The following SLC24A2 variants were observed in gnomAD, a reference collection of about 807,000 sequenced individuals.
The protein encoded by SLC24A2 is solute carrier family 24 member 2, also known as sodium/potassium/calcium exchanger 2.
Under a neutral mutation model 62.0 loss-of-function variants are expected in SLC24A2, and 36 were observed. The observed-to-expected ratio is 0.58, with a 90% confidence interval of 0.44 to 0.77. The LOEUF is 0.77. Ranked by LOEUF, SLC24A2 falls within the 30% of genes least tolerant of loss-of-function variation. The probability of loss-of-function intolerance (pLI) is 0.00; values close to 1 mark genes in which losing one functional copy is unlikely to be tolerated. For synonymous variants in SLC24A2, 358 were observed against 294.0 expected, an observed-to-expected ratio of 1.22 and a Z score of -2.23; for missense variants, 846 against 817.9, an observed-to-expected ratio of 1.03 and a Z score of -0.42.
chr9:20,066,448 T>A, the SLC24A2 span, among the ~76,000 whole-genome samples: 1 of 152,194 alleles, frequency 6.6e-6, no homozygotes, highest in Admixed American at 6.5e-5. Context: ...AGAAGTTGGC[T>A]TAATGCACAT....
At chr9:19,768,961 T>C (rs1474355755) in intron 2 of SLC24A2, among the ~76,000 whole-genome samples, 3 of 152,182 alleles carry the variant, frequency 2.0e-5, no homozygotes, top group African/African-American at 4.8e-5. Flanking sequence ...TCCTGGGTGA[T>C]TTTATTCCAT....
At chr9:19,746,494 A>G (rs896190427) in intron 2 of SLC24A2, among the ~76,000 whole-genome samples, 1 of 151,860 alleles carries the variant, frequency 6.6e-6, no homozygotes, top group Non-Finnish European at 1.5e-5. Flanking sequence ...TGAATTCAAT[A>G]AAAAACTCCA....
At chr9:20,202,865 C>T in the SLC24A2 span, among the ~76,000 whole-genome samples, 1 of 152,062 alleles carries the variant, frequency 6.6e-6, no homozygotes, top group African/African-American at 2.4e-5. Flanking sequence ...CAGGGTTTCC[C>T]CAAAACACTT....
At chr9:19,702,655 G>A (rs1338725178) in intron 2 of SLC24A2, among the ~76,000 whole-genome samples, 1 of 152,150 alleles carries the variant, frequency 6.6e-6, no homozygotes, top group Non-Finnish European at 1.5e-5. Flanking sequence ...GCTTCCTATA[G>A]TTAGATGTTG....
the SLC24A2 span, among the ~76,000 whole-genome samples, chr9:20,181,926 A>C: frequency 6.6e-6 from 1 of 152,222 alleles, no homozygotes; most frequent in East Asian, 1.9e-4. Context: ...AATGAACTCA[A>C]ACAAATTTAC....
chr9:19,610,617 T>C (rs908414547), intron 4 of SLC24A2, among the ~76,000 whole-genome samples: 1 of 152,210 alleles, frequency 6.6e-6, no homozygotes, highest in Non-Finnish European at 1.5e-5. Flanking sequence ...GAGAGAGATA[T>C]ATTCCATTAT....
chr9:19,532,063 G>C (rs145749369), intron 8 of SLC24A2, among the ~76,000 whole-genome samples: 107 of 152,164 alleles, frequency 7.0e-4, no homozygotes, highest in African/African-American at 2.4e-3. Flanking sequence ...TAACCTTTGT[G>C]AATCATCCCA....
chr9:19,911,722 A>G, the SLC24A2 span, among the ~76,000 whole-genome samples: 3 of 152,290 alleles, frequency 2.0e-5, no homozygotes, highest in Admixed American at 1.3e-4. Flanking sequence ...TAATGGCTCT[A>G]TCTTAGCTTT....
the SLC24A2 span, among the ~76,000 whole-genome samples, chr9:19,910,917 T>C: frequency 2.0e-5 from 3 of 151,306 alleles, no homozygotes; most frequent in Admixed American, 6.6e-5. Context: ...CTTTTATTTT[T>C]TATTTTATTA....
the SLC24A2 span, among the ~76,000 whole-genome samples, chr9:19,984,462 T>A: frequency 6.6e-6 from 1 of 152,144 alleles, no homozygotes; most frequent in African/African-American, 2.4e-5. Flanking sequence ...TTGCAGCACT[T>A]TGGGAGGCCA....
intron 3 of SLC24A2, among the ~76,000 whole-genome samples, chr9:19,620,770 A>T (rs765824127): frequency 1.3e-5 from 2 of 152,218 alleles, no homozygotes; most frequent in Admixed American, 6.5e-5. Context: ...AAGGTATCGT[A>T]ATGTAAGGGA....
At chr9:19,763,516 G>C (rs558682758) in intron 2 of SLC24A2, among the ~76,000 whole-genome samples, 2 of 151,322 alleles carry the variant, frequency 1.3e-5, no homozygotes, top group Non-Finnish European at 3.0e-5. Flanking sequence ...ATGGAGTGAA[G>C]CATGAAGGGG....
chr9:20,168,661 A>G, the SLC24A2 span, among the ~76,000 whole-genome samples: 4 of 152,056 alleles, frequency 2.6e-5, no homozygotes, highest in Non-Finnish European at 5.9e-5. Flanking sequence ...ATAACACTTT[A>G]CATCTACTGG....
At chr9:20,060,360 A>G in the SLC24A2 span, among the ~76,000 whole-genome samples, 1 of 152,110 alleles carries the variant, frequency 6.6e-6, no homozygotes, top group South Asian at 2.1e-4. Flanking sequence ...CAGGAAAACT[A>G]TAGTTCAATA....
At chr9:19,820,552 A>C in the SLC24A2 span, among the ~76,000 whole-genome samples, 1 of 151,680 alleles carries the variant, frequency 6.6e-6, no homozygotes, top group Non-Finnish European at 1.5e-5. Flanking sequence ...AAAATAAATA[A>C]ATAAATAAAA....
chr9:20,218,225 T>C, the SLC24A2 span, among the ~76,000 whole-genome samples: 1 of 152,210 alleles, frequency 6.6e-6, no homozygotes, highest in Non-Finnish European at 1.5e-5. Flanking sequence ...TTTGCTCCTG[T>C]TGGTTGTTAC....
At chr9:19,841,715 G>A in the SLC24A2 span, among the ~76,000 whole-genome samples, 34 of 152,146 alleles carry the variant, frequency 2.2e-4, no homozygotes, top group Non-Finnish European at 3.5e-4. Context: ...TGGGGAAGAG[G>A]TATATGGCTG....
At chr9:20,165,737 G>T in the SLC24A2 span, among the ~76,000 whole-genome samples, 1 of 151,720 alleles carries the variant, frequency 6.6e-6, no homozygotes, top group East Asian at 1.9e-4. Context: ...AAGGAAAAAG[G>T]CTTTCTAAAT....
At chr9:20,299,201 G>A in the SLC24A2 span, among the ~76,000 whole-genome samples, 7 of 152,184 alleles carry the variant, frequency 4.6e-5, no homozygotes, top group African/African-American at 1.4e-4. Flanking sequence ...GCCCTTTCGT[G>A]CACACAGCCC....
Sources: allele counts gnomAD v4.1 joint callset (sites outside exome capture counted in the v4.1 genomes callset), GRCh38; gene constraint gnomAD v4.1.1; transcripts MANE v1.5; gene names NCBI Gene and HGNC (gene_info 2026-07-23, HGNC 2026-07-21).